The following NEDD4L variants were observed in gnomAD, a reference collection of about 807,000 sequenced individuals.
The protein encoded by NEDD4L is E3 ubiquitin-protein ligase NEDD4-like.
NEDD4L carries 54 observed loss-of-function variants against 148.9 expected under a neutral mutation model. The ratio of observed to expected loss-of-function variants is 0.36; its 90% confidence interval spans 0.29 to 0.45. The LOEUF (loss-of-function observed/expected upper bound fraction) is 0.45, where lower values mean the gene tolerates loss of function less well. Ranked by LOEUF, NEDD4L falls within the 20% of genes least tolerant of loss-of-function variation. The pLI, the probability that NEDD4L is intolerant of heterozygous loss-of-function variation, is 1.00. For missense variants in NEDD4L, 856 were observed against 1,233.8 expected (o/e 0.69, Z 4.59); for synonymous variants, 433 against 440.7 (o/e 0.98, Z 0.22).
At chr18:58,327,487 C>A (rs546038563) in intron 9 of NEDD4L, among the ~76,000 whole-genome samples, 33 of 152,294 alleles carry the variant, frequency 2.2e-4, no homozygotes, top group Non-Finnish European at 3.5e-4. Flanking sequence ...GGCAGCAATG[C>A]CAAAGGGAGA....
At chr18:58,303,009 G>T (rs1724536277) in intron 5 of NEDD4L, among the ~76,000 whole-genome samples, 1 of 152,242 alleles carries the variant, frequency 6.6e-6, no homozygotes, top group Non-Finnish European at 1.5e-5. Context: ...TGAGGCAAGA[G>T]AGGCATCAGA....
At chr18:58,179,518 A>G (rs1430005375) in intron 2 of NEDD4L, among the ~76,000 whole-genome samples, 3 of 152,116 alleles carry the variant, frequency 2.0e-5, no homozygotes, top group Non-Finnish European at 4.4e-5. Flanking sequence ...AGTGGGCCGC[A>G]CAGCAGGAGG....
chr18:58,240,735 C>T (rs565809073), intron 2 of NEDD4L, among the ~76,000 whole-genome samples: 1 of 152,272 alleles, frequency 6.6e-6, no homozygotes, highest in African/African-American at 2.4e-5. Flanking sequence ...GCTGTCTTAT[C>T]TCCTTCTAAT....
chr18:58,298,494 A>T (rs1250682878), intron 5 of NEDD4L, among the ~76,000 whole-genome samples: 2 of 152,352 alleles, frequency 1.3e-5, no homozygotes, highest in East Asian at 3.9e-4. Context: ...TCTGATTTTC[A>T]AAGTATGACT....
At chr18:58,067,491 T>TG (rs2082658582) in intron 1 of NEDD4L, among the ~76,000 whole-genome samples, 1 of 152,074 alleles carries the variant, frequency 6.6e-6, no homozygotes. Flanking sequence ...GGGGCTGGGT[T>TG]GGGGTGGAGA....
At chr18:58,365,808 C>T (rs1987867879) in intron 20 of NEDD4L, among the ~76,000 whole-genome samples, 191 bp from the exon 21 acceptor site, 1 of 152,148 alleles carries the variant, frequency 6.6e-6, no homozygotes, top group South Asian at 2.1e-4. Flanking sequence ...GCCGTGTGTC[C>T]CATCGTGACA....
intron 1 of NEDD4L, among the ~76,000 whole-genome samples, chr18:58,098,913 C>T (rs938298415): frequency 1.3e-5 from 2 of 152,134 alleles, no homozygotes; most frequent in Admixed American, 6.6e-5. Context: ...CACAGGGTTT[C>T]GTCAGTAAAT....
At chr18:58,205,834 T>C (rs1470564171) in intron 2 of NEDD4L, among the ~76,000 whole-genome samples, 2 of 152,106 alleles carry the variant, frequency 1.3e-5, no homozygotes, top group African/African-American at 4.8e-5. Context: ...TCCCCTTGGT[T>C]CTAGCCACGC....
intron 25 of NEDD4L, among the ~76,000 whole-genome samples, chr18:58,384,534 G>C (rs540019004): frequency 1.3e-5 from 2 of 152,338 alleles, no homozygotes; most frequent in East Asian, 3.9e-4. Flanking sequence ...TCTCAAGTCT[G>C]AGGACTCTGA....
At chr18:58,098,102 G>A (rs1411306095) in intron 1 of NEDD4L, among the ~76,000 whole-genome samples, 1 of 152,154 alleles carries the variant, frequency 6.6e-6, no homozygotes, top group Non-Finnish European at 1.5e-5. Flanking sequence ...TTATCCAGAT[G>A]ACTGTTAGAA....
intron 25 of NEDD4L, among the ~76,000 whole-genome samples, chr18:58,384,856 A>G (rs1284012948): frequency 6.6e-6 from 1 of 152,236 alleles, no homozygotes; most frequent in Non-Finnish European, 1.5e-5. Flanking sequence ...GGAATGCCTG[A>G]GATGACATCC....
intron 5 of NEDD4L, among the ~76,000 whole-genome samples, chr18:58,258,547 G>A (rs1326150864): frequency 6.6e-6 from 1 of 152,134 alleles, no homozygotes; most frequent in Non-Finnish European, 1.5e-5. Flanking sequence ...TGTGTACCTT[G>A]CTTAAAAGGG....
intron 2 of NEDD4L, among the ~76,000 whole-genome samples, chr18:58,184,883 G>C (rs1041202354): frequency 1.9e-4 from 29 of 151,538 alleles, no homozygotes; most frequent in Non-Finnish European, 3.5e-4. Flanking sequence ...AGCCGAGATG[G>C]CACCACTGCA....
intron 24 of NEDD4L, among the ~76,000 whole-genome samples, chr18:58,380,363 G>T (rs1182500700): frequency 6.6e-6 from 1 of 150,840 alleles, no homozygotes; most frequent in Non-Finnish European, 1.5e-5. Context: ...CTGTTGCCCA[G>T]GCTGGAGTGC....
At chr18:58,125,706 A>T (rs59042222) in intron 1 of NEDD4L, among the ~76,000 whole-genome samples, 1 of 152,238 alleles carries the variant, frequency 6.6e-6, no homozygotes, top group Admixed American at 6.5e-5. Context: ...TAGTAGTCAC[A>T]TTAAAAAGAA....
At chr18:58,319,269 C>T (rs1243706781) in intron 6 of NEDD4L, among the ~76,000 whole-genome samples, 1 of 152,176 alleles carries the variant, frequency 6.6e-6, no homozygotes, top group African/African-American at 2.4e-5. Flanking sequence ...CTGACCCTGG[C>T]TCTCCAGCAT....
chr18:58,084,588 G>C (rs1412695330), intron 1 of NEDD4L, among the ~76,000 whole-genome samples: 1 of 151,980 alleles, frequency 6.6e-6, no homozygotes, highest in African/African-American at 2.4e-5. Flanking sequence ...CAAGATGTCA[G>C]CAGGTTTGGT....
chr18:58,172,695 A>C (rs1012834375), intron 2 of NEDD4L, among the ~76,000 whole-genome samples: 1 of 152,190 alleles, frequency 6.6e-6, no homozygotes, highest in Non-Finnish European at 1.5e-5. Flanking sequence ...TTGGAACCCA[A>C]TGTAATGTCA....
intron 2 of NEDD4L, among the ~76,000 whole-genome samples, chr18:58,220,546 C>G (rs925510185): frequency 1.3e-5 from 2 of 152,238 alleles, no homozygotes; most frequent in African/African-American, 2.4e-5. Flanking sequence ...ATCTTCCCCC[C>G]ACCTCTGGAA....
Sources: allele counts gnomAD v4.1 joint callset (sites outside exome capture counted in the v4.1 genomes callset), GRCh38; gene constraint gnomAD v4.1.1; transcripts MANE v1.5; gene names NCBI Gene and HGNC (gene_info 2026-07-23, HGNC 2026-07-21).